The following PARP11 variants were observed in gnomAD, a reference collection of about 807,000 sequenced individuals.
PARP11 encodes poly(ADP-ribose) polymerase family member 11.
In PARP11, 31 loss-of-function variants were observed where a neutral mutation model predicts 42.9. The observed-to-expected ratio is 0.72, with a 90% CI of 0.54 to 0.98. The LOEUF is 0.98. PARP11 is among the 50% of genes least tolerant of loss of function. PARP11 has a pLI of 0.00. For synonymous variants in PARP11, 137 were observed against 127.3 expected, an observed-to-expected ratio of 1.08 and a Z score of -0.51; for missense variants, 365 against 413.1, an observed-to-expected ratio of 0.88 and a Z score of 1.01.
intron 1 of PARP11, among the ~76,000 whole-genome samples, chr12:3,853,576 G>A (rs970649752): frequency 3.3e-5 from 5 of 152,098 alleles, no homozygotes; most frequent in Admixed American, 2.6e-4. Flanking sequence ...ATTCAACAAG[G>A]AGAGCTAACT....
intron 1 of PARP11, among the ~76,000 whole-genome samples, chr12:3,857,748 G>A (rs779017032): frequency 5.9e-5 from 9 of 152,086 alleles, no homozygotes; most frequent in Non-Finnish European, 1.0e-4. Context: ...AAGCTAGACT[G>A]TAAGATTTTG....
chr12:3,862,230 A>T (rs1565551943), intron 1 of PARP11, among the ~76,000 whole-genome samples: 1 of 152,112 alleles, frequency 6.6e-6, no homozygotes, highest in Non-Finnish European at 1.5e-5. Context: ...TTTAGACTAG[A>T]TCACTTGAAG....
chr12:3,846,757 A>T (rs1948007462), intron 1 of PARP11, among the ~76,000 whole-genome samples: 1 of 127,524 alleles, frequency 7.8e-6, no homozygotes. Context: ...ACTCCGTCTT[A>T]AAAAAAAAAA....
chr12:3,831,239 T>C (rs1947632551), intron 1 of PARP11, among the ~76,000 whole-genome samples: 2 of 151,922 alleles, frequency 1.3e-5, no homozygotes, highest in African/African-American at 4.9e-5. Flanking sequence ...ACTGCATATC[T>C]TTCAGATCTC....
chr12:3,869,033 T>C (rs1948434305), intron 1 of PARP11, among the ~76,000 whole-genome samples: 2 of 152,206 alleles, frequency 1.3e-5, no homozygotes, highest in East Asian at 3.8e-4. Context: ...TACCTTGGCT[T>C]GTGACCTCCT....
intron 1 of PARP11, among the ~76,000 whole-genome samples, chr12:3,869,083 C>G (rs1374248024): frequency 6.6e-6 from 1 of 152,154 alleles, no homozygotes; most frequent in African/African-American, 2.4e-5. Flanking sequence ...ATCTCTTTGA[C>G]CATTCTTCCA....
intron 3 of PARP11, among the ~76,000 whole-genome samples, chr12:3,828,027 C>T (rs1947562044): frequency 6.6e-6 from 1 of 152,338 alleles, no homozygotes; most frequent in African/African-American, 2.4e-5. Flanking sequence ...TACCCCAAAA[C>T]ATGCCCATAT....
chr12:3,871,922 G>A (rs1948487316), intron 1 of PARP11: 1 of 152,166 alleles, frequency 6.6e-6, no homozygotes, highest in South Asian at 2.1e-4. Context: ...TTTCGTCCCA[G>A]AAGTGAGTCA....
rs1947154640 is a variant in PARP11, at chr12:3,810,692, AAGGAAG to A, written c.*1425_*1430del. 6.9e-6 allele frequency: 1 copy of A among 144,304 alleles called. No individual in the cohort carries two copies. Among genetic ancestry groups the A allele is most frequent in the Non-Finnish European group, 1.5e-5 (1 of 67,520 alleles). The allele number at this position is 144,304 out of a possible 1,614,324, so 8.9% of individuals were successfully genotyped here. ...GAAGGAAGGAAGGAAGGAAAGAAAG[AAGGAAG>A]GAAGAGAGAGAGAAGAGAAGAGAAA... On this transcript the variant is annotated 3_prime_UTR_variant, in exon 8 of 8. Coordinates refer to ENST00000228820, the MANE Select transcript of PARP11 (RefSeq NM_020367.6).
At chr12:3,831,886 CATT>C (rs1947648772) in intron 1 of PARP11, among the ~76,000 whole-genome samples, 1 of 151,886 alleles carries the variant, frequency 6.6e-6, no homozygotes, top group African/African-American at 2.4e-5. Context: ...TTCATTGGGC[CATT>C]TAACTGTGAG....
intron 6 of PARP11, among the ~76,000 whole-genome samples, chr12:3,820,626 G>A (rs1041570019): frequency 5.3e-5 from 8 of 152,106 alleles, no homozygotes; most frequent in African/African-American, 1.9e-4. Flanking sequence ...CCACTTCAGA[G>A]GGCTGATGAA....
At chr12:3,843,288 T>C (rs530853309) in intron 1 of PARP11, among the ~76,000 whole-genome samples, 3 of 152,324 alleles carry the variant, frequency 2.0e-5, no homozygotes. Flanking sequence ...TCATGGTGCC[T>C]ACTCGAAAGA....
intron 1 of PARP11, among the ~76,000 whole-genome samples, chr12:3,844,280 T>G (rs1947955015): frequency 6.6e-6 from 1 of 152,214 alleles, no homozygotes; most frequent in Admixed American, 6.5e-5. Context: ...GTGGAAAACA[T>G]TTTTTGAGAG....
chr12:3,836,675 GC>G (rs1055585218), intron 1 of PARP11, among the ~76,000 whole-genome samples: 1 of 152,088 alleles, frequency 6.6e-6, no homozygotes, highest in Non-Finnish European at 1.5e-5. Flanking sequence ...TTTGCTCCCT[GC>G]CCCCACAGAA....
chr12:3,834,799 A>T (rs1357914932), intron 1 of PARP11, among the ~76,000 whole-genome samples: 1 of 152,076 alleles, frequency 6.6e-6, no homozygotes, highest in Non-Finnish European at 1.5e-5. Flanking sequence ...GAGAGGAGTC[A>T]GAAAGGCAGT....
Position 3,814,097 on chromosome 12 carries a change from T to C in PARP11, c.640A>G (p.Ile214Val), listed in dbSNP as rs778707249. 2.0e-5 allele frequency: 32 copies of C among 1,609,268 alleles called. No homozygotes were observed. The highest frequency in any genetic ancestry group is 2.4e-5 in the Non-Finnish European group (28 of 1,177,014). The change falls in exon 7 of 8, where the codon ATC (isoleucine) becomes GTC (valine). Residue 214 changes from isoleucine to valine, a missense_variant. Physicochemically the swap from Ile to Val is conservative, Grantham distance 29. Coordinates refer to ENST00000228820, the MANE Select transcript of PARP11 (RefSeq NM_020367.6). ...HGTSSEFVEAICIHNFDWRIN... is the reference protein window; with the variant it reads ...HGTSSEFVEAVCIHNFDWRIN... Reference sequence around the variant, plus strand: ...CTCCAATCAAAGTTATGAATGCAGATTGCTTCCACAAATTCACTGCTGGTA... The same window carrying C: ...CTCCAATCAAAGTTATGAATGCAGACTGCTTCCACAAATTCACTGCTGGTA...
Position 3,865,199 on chromosome 12 carries a change from A to G in PARP11, c.18+8013T>C, listed in dbSNP as rs978137378. On this transcript the variant is annotated intron_variant, in intron 1 of 7. Coordinates refer to ENST00000228820, the MANE Select transcript of PARP11 (RefSeq NM_020367.6). The stretch of plus-strand genomic sequence containing the variant: ...ACTGGTTTCTAACTTAATTCCATTT[A>G]GGTCAGAAAGTACATCTTGCTTGAC... 7.9e-5 allele frequency among the ~76,000 whole-genome samples: 12 copies of G among 152,278 alleles called. No individual in the cohort carries two copies. The East Asian group carries it at 2.3e-3, about 29-fold the overall frequency.
In PARP11 at chr12:3,810,665, AG is replaced by A. The variant is rs1365417216; in HGVS notation, c.*1457del. On this transcript the variant is annotated 3_prime_UTR_variant, in exon 8 of 8. Coordinates refer to ENST00000228820, the MANE Select transcript of PARP11 (RefSeq NM_020367.6). ...AGGGAAAGAAGGAAGGAAGGAAGGA[AG>A]GAAGGAAGGAAGGAAGGAAAGAAAG... 1 of 147,714 alleles carries A rather than the reference AG, an allele frequency of 6.8e-6. No homozygotes were observed. Among genetic ancestry groups the A allele is most frequent in the African/African-American group, 2.5e-5 (1 of 39,220 alleles). 9.2% of individuals were successfully genotyped at this position (147,714 alleles called of 1,614,324 possible).
intron 1 of PARP11, chr12:3,842,459 T>C (rs1947910119): frequency 3.1e-6 from 5 of 1,607,554 alleles, no homozygotes; most frequent in East Asian, 4.5e-5. Flanking sequence ...GGGCGACCAT[T>C]TAGGGGAGAT....
Sources: allele counts gnomAD v4.1 joint callset (sites outside exome capture counted in the v4.1 genomes callset), GRCh38; gene constraint gnomAD v4.1.1; transcripts MANE v1.5; gene names NCBI Gene and HGNC (gene_info 2026-07-23, HGNC 2026-07-21).